Variants in VWA8 observed in about 807,000 individuals in gnomAD.
VWA8 encodes von Willebrand factor A domain containing 8, also known as von Willebrand factor A domain-containing protein 8.
VWA8 carries 221 observed loss-of-function variants against 241.5 expected under a neutral mutation model. That is an observed-to-expected ratio of 0.91 (90% CI 0.82 to 1.02). The LOEUF (loss-of-function observed/expected upper bound fraction) is 1.02, where lower values mean the gene tolerates loss of function less well. Among genes scored for constraint, VWA8 ranks in the 50% least tolerant of loss-of-function variants. The probability of loss-of-function intolerance (pLI) is 0.00; values close to 1 mark genes in which losing one functional copy is unlikely to be tolerated. For synonymous variants in VWA8, 852 were observed against 827.1 expected (o/e 1.03, Z -0.52); for missense variants, 2,322 against 2,328.7 (o/e 1.00, Z 0.06).
chr13:41,823,781 C>T (rs17062577), intron 14 of VWA8, among the ~76,000 whole-genome samples: 2,001 of 152,220 alleles, frequency 0.013, 23 homozygotes, highest in Middle Eastern at 0.048. Flanking sequence ...CTGTAGAGCA[C>T]TCCGGAGATC....
intron 20 of VWA8, among the ~76,000 whole-genome samples, chr13:41,761,618 G>GTT (rs2137907107): frequency 6.6e-6 from 1 of 152,154 alleles, no homozygotes; most frequent in South Asian, 2.1e-4. Context: ...ATGATTTTCA[G>GTT]TTACAGAAAG....
At chr13:41,716,282 A>G (rs2045347602) in intron 26 of VWA8, among the ~76,000 whole-genome samples, 1 of 152,060 alleles carries the variant, frequency 6.6e-6, no homozygotes, top group Non-Finnish European at 1.5e-5. Flanking sequence ...AGGTTTAGCA[A>G]AAGTTTATTA....
Position 41,868,390 on chromosome 13 carries a change from CT to C in VWA8, c.1167del (p.Ala390LeufsTer3). ...TCTGCAATCCGGATGGTCACAGAAGCTTGGGACACATGGTTTTCCATCATCT... is the reference window on the plus strand; with the variant it reads ...TCTGCAATCCGGATGGTCACAGAAGCTGGGACACATGGTTTTCCATCATCT... ...VEKMMENHVS[Q>X]ASVTIRIADK... On this transcript the variant is annotated frameshift_variant, in exon 10 of 45. Coordinates refer to ENST00000379310, the MANE Select transcript of VWA8 (RefSeq NM_015058.2). LOFTEE classifies it high-confidence loss of function. 1 of 1,614,090 alleles carries C rather than the reference CT, an allele frequency of 6.2e-7. No individual in the cohort carries two copies.
intron 19 of VWA8, among the ~76,000 whole-genome samples, chr13:41,779,266 TATAC>T (rs1459976123): frequency 6.7e-6 from 1 of 148,698 alleles, no homozygotes; most frequent in Non-Finnish European, 1.5e-5. Context: ...AAAATATACA[TATAC>T]ATACTCACAG....
rs1354349391 is a variant in VWA8, at chr13:41,816,712, T to G, written c.1933A>C (p.Thr645Pro). Residue 645 changes from threonine (T) to proline (P), a missense_variant, in exon 16 of 45, where the codon ACA becomes CCA. Physicochemically the swap from Thr to Pro is conservative, Grantham distance 38. Coordinates refer to ENST00000379310, the MANE Select transcript of VWA8 (RefSeq NM_015058.2). Reference protein sequence around the residue: ...LLSFTHKLRETQDPTAQSLAA... With the variant: ...LLSFTHKLREPQDPTAQSLAA... ...CCTAGACTTACCGTTGGATCCTGTGTTTCTCTGAGTTTGTGTGTAAATGAT... is the reference window on the plus strand; with the variant it reads ...CCTAGACTTACCGTTGGATCCTGTGGTTCTCTGAGTTTGTGTGTAAATGAT... 1 of 1,613,654 alleles carries G rather than the reference T, an allele frequency of 6.2e-7. No homozygotes were observed. Among genetic ancestry groups the G allele is most frequent in the East Asian group, 2.2e-5 (1 of 44,802 alleles).
At chr13:41,808,371 T>A (rs933989256) in intron 17 of VWA8, among the ~76,000 whole-genome samples, 8 of 152,248 alleles carry the variant, frequency 5.3e-5, no homozygotes, top group African/African-American at 1.9e-4. Context: ...CATTTTCTTG[T>A]CTTATGGGGA....
intron 1 of VWA8, among the ~76,000 whole-genome samples, chr13:41,956,437 T>C (rs1021096494): frequency 3.3e-5 from 5 of 152,210 alleles, no homozygotes; most frequent in African/African-American, 1.2e-4. Context: ...TAATGATTTA[T>C]AAGCTTACCA....
chr13:41,766,585 T>C (rs1411242815), intron 20 of VWA8, among the ~76,000 whole-genome samples: 1 of 152,252 alleles, frequency 6.6e-6, no homozygotes, highest in Non-Finnish European at 1.5e-5. Flanking sequence ...TCTTTGCTTA[T>C]GTGGTTTCTT....
chr13:41,878,983 C>T (rs192558740), intron 9 of VWA8, among the ~76,000 whole-genome samples: 2 of 152,000 alleles, frequency 1.3e-5, no homozygotes, highest in East Asian at 1.9e-4. Context: ...CATTACATTG[C>T]TTCATTTTAT....
At chr13:41,863,433 GTATATATA>G (rs201997688) in intron 12 of VWA8, among the ~76,000 whole-genome samples, 3 of 69,814 alleles carry the variant, frequency 4.3e-5, no homozygotes, top group East Asian at 8.2e-4. Flanking sequence ...GTGTGTGTGT[GTATATATA>G]TATATATATA....
At chr13:41,863,186 T>TATATATATATATACACACACACACACA (rs1566485232) in intron 12 of VWA8, among the ~76,000 whole-genome samples, 2 of 151,144 alleles carry the variant, frequency 1.3e-5, no homozygotes, top group African/African-American at 4.9e-5. Context: ...GCAAGACGGG[T>TATATATATATATACACACACACACACA]CTAGCCTCCC....
chr13:41,732,073 T>C lies in VWA8; in HGVS notation c.2502+7A>G, dbSNP rs2045488374. 1 of 1,607,302 alleles carries C rather than the reference T, an allele frequency of 6.2e-7. No homozygotes were observed. Among genetic ancestry groups the C allele is most frequent in the Non-Finnish European group, 8.5e-7 (1 of 1,174,784 alleles). On this transcript the variant is annotated splice_region_variant and intron_variant, in intron 22 of 44. Coordinates refer to ENST00000379310, the MANE Select transcript of VWA8 (RefSeq NM_015058.2). The stretch of plus-strand genomic sequence containing the variant: ...CTTGAAAATATTTCTATGATTAGGT[T>C]ACTAACCAAAGGTGAGTCTTCATAT...
At position 41,764,065 on chromosome 13, in the gene VWA8, C is replaced by G. The variant is rs556141162; in HGVS notation, c.2350-2861G>C. Reference sequence around the variant, plus strand: ...TCATTCGATATCCCCTATTCTTAACCGTCAACTGAACTTCTGAAACAGATG... The same window carrying G: ...TCATTCGATATCCCCTATTCTTAACGGTCAACTGAACTTCTGAAACAGATG... On this transcript the variant is annotated intron_variant, in intron 20 of 44. Transcript: ENST00000379310. Among the ~76,000 whole-genome samples the G allele has an allele frequency of 4.6e-5, 7 of 152,270 alleles. No individual in the cohort carries two copies. The South Asian group carries it at 1.5e-3, about 32-fold the overall frequency.
chr13:41,664,699 T>C (rs953158474), intron 37 of VWA8, among the ~76,000 whole-genome samples: 1 of 151,994 alleles, frequency 6.6e-6, no homozygotes, highest in Admixed American at 6.6e-5. Context: ...CACCCCACAT[T>C]ACAACCTTCA....
chr13:41,815,853 T>C (rs1870667258), intron 16 of VWA8, among the ~76,000 whole-genome samples: 1 of 152,204 alleles, frequency 6.6e-6, no homozygotes, highest in Non-Finnish European at 1.5e-5. Flanking sequence ...TGAAATCCAC[T>C]ACTAGGACAG....
intron 9 of VWA8, among the ~76,000 whole-genome samples, chr13:41,882,515 T>C (rs1273001952): frequency 2.0e-5 from 3 of 152,324 alleles, no homozygotes; most frequent in Admixed American, 6.5e-5. Flanking sequence ...CTGGGCACCA[T>C]TGAGCACTGA....
chr13:41,807,854 G>A (rs138989159), intron 17 of VWA8: 58 of 152,288 alleles, frequency 3.8e-4, no homozygotes, highest in African/African-American at 1.4e-3. Context: ...GCCTAAGGAA[G>A]AGTGAACTGG....
At chr13:41,594,172 G>A (rs539384792) in intron 40 of VWA8, among the ~76,000 whole-genome samples, 2 of 151,370 alleles carry the variant, frequency 1.3e-5, no homozygotes, top group African/African-American at 2.4e-5. Flanking sequence ...CTGGAGTGCA[G>A]TGGTACGATC....
intron 9 of VWA8, among the ~76,000 whole-genome samples, chr13:41,877,340 ACTG>A (rs1049647543): frequency 2.6e-5 from 4 of 151,866 alleles, no homozygotes; most frequent in Non-Finnish European, 5.9e-5. Context: ...TTCTTATTTC[ACTG>A]GCCTACTTCA....
Sources: gnomAD v4.1 joint callset for allele counts (sites outside exome capture counted in the v4.1 genomes callset) on GRCh38, gnomAD v4.1.1 for gene constraint, MANE v1.5 for transcripts, NCBI Gene and HGNC (gene_info 2026-07-23, HGNC 2026-07-21) for gene names.